TENM1: variants seen among roughly 807,000 people sequenced by gnomAD.
The protein encoded by TENM1 is teneurin transmembrane protein 1.
Under a neutral mutation model 174.8 loss-of-function variants are expected in TENM1, and 35 were observed. The observed-to-expected ratio is 0.20, with a 90% CI of 0.15 to 0.27. TENM1 has a LOEUF of 0.27. TENM1 is among the 10% of genes least tolerant of loss of function. The pLI is 1.00. For synonymous variants in TENM1, 781 were observed against 798.7 expected, an observed-to-expected ratio of 0.98 and a Z score of 0.37; for missense variants, 1,633 against 2,130.1, an observed-to-expected ratio of 0.77 and a Z score of 4.59.
At chrX:124,520,889 G>A in intron 17 of TENM1, 105 bp from the exon 21 acceptor site, 1 of 769,697 alleles carries the variant, frequency 1.3e-6, no homozygotes, top group Admixed American at 3.9e-5. Context: ...CCAAAGGAGA[G>A]AGCTTAAACA....
intron 23 of TENM1, among the ~76,000 whole-genome samples, chrX:124,425,590 C>G (rs2060703153): frequency 8.9e-6 from 1 of 112,230 alleles, no homozygotes; most frequent in Non-Finnish European, 1.9e-5. Context: ...GCTGCCAGTG[C>G]CATGCTCTTG....
the TENM1 span, among the ~76,000 whole-genome samples, chrX:125,039,825 C>CTTTTTTTTTTTTTTTT: frequency 1.8e-5 from 2 of 111,387 alleles, no homozygotes; most frequent in African/African-American, 6.5e-5. Flanking sequence ...TGAGCCTTTT[C>CTTTTTTTTTTTTTTTT]TTATTAACCT....
intron 11 of TENM1, among the ~76,000 whole-genome samples, chrX:124,569,704 GA>G (rs2049016556): frequency 9.0e-6 from 1 of 111,341 alleles, no homozygotes; most frequent in Admixed American, 9.6e-5. Flanking sequence ...AAAAGAGATG[GA>G]AATGAATGAA....
At chrX:124,780,799 G>T (rs1183021313) in intron 3 of TENM1, among the ~76,000 whole-genome samples, 1 of 111,641 alleles carries the variant, frequency 9.0e-6, no homozygotes, top group African/African-American at 3.3e-5. Context: ...ACACGACTTG[G>T]TCCCTAAATT....
intron 20 of TENM1, among the ~76,000 whole-genome samples, chrX:124,489,371 G>C (rs1279204433): frequency 1.8e-5 from 2 of 112,290 alleles, no homozygotes; most frequent in African/African-American, 6.5e-5. Flanking sequence ...GAAAATTATT[G>C]ATATGATTTA....
At chrX:124,602,435 G>GGAAGCTCA (rs2050051086) in intron 11 of TENM1, among the ~76,000 whole-genome samples, 1 of 111,110 alleles carries the variant, frequency 9.0e-6, no homozygotes, top group African/African-American at 3.3e-5. Context: ...CCTCACCAGA[G>GGAAGCTCA]TTTTGGAACA....
chrX:124,491,432 A>G (rs924082855), intron 20 of TENM1, among the ~76,000 whole-genome samples: 2 of 111,743 alleles, frequency 1.8e-5, no homozygotes, highest in Non-Finnish European at 1.9e-5. Flanking sequence ...TATCTCACAT[A>G]GAAGTGAATC....
At chrX:124,676,582 TAC>T (rs2052092233) in intron 5 of TENM1, among the ~76,000 whole-genome samples, 1 of 107,374 alleles carries the variant, frequency 9.3e-6, no homozygotes, top group Non-Finnish European at 1.9e-5. Context: ...ATAAATTCAT[TAC>T]AAAGTTCAGG....
chrX:124,606,985 G>T (rs2050174353), intron 11 of TENM1, among the ~76,000 whole-genome samples: 1 of 110,255 alleles, frequency 9.1e-6, no homozygotes, highest in South Asian at 3.9e-4. Context: ...AGGCAGAAGA[G>T]AAGGAGGACG....
exon 7 of TENM1, chrX:124,653,630 A>C (rs752475941): frequency 2.5e-6 from 3 of 1,209,128 alleles, no homozygotes. Context: ...AATTCCCAGC[A>C]GAGAGTCCTT....
chrX:124,549,002 C>A (rs2048496430), intron 14 of TENM1, among the ~76,000 whole-genome samples: 1 of 111,966 alleles, frequency 8.9e-6, no homozygotes, highest in Non-Finnish European at 1.9e-5. Flanking sequence ...ATTTCTATTT[C>A]TCTGTATACA....
chrX:125,064,508 A>G, the TENM1 span, among the ~76,000 whole-genome samples: 4 of 111,558 alleles, frequency 3.6e-5, no homozygotes, highest in Non-Finnish European at 7.5e-5. Flanking sequence ...GCAGTTTACA[A>G]GTGAACAACT....
chrX:124,658,286 T>G (rs2051500110), intron 6 of TENM1, among the ~76,000 whole-genome samples: 1 of 111,845 alleles, frequency 8.9e-6, no homozygotes, highest in Admixed American at 9.5e-5. Flanking sequence ...TTACACATGC[T>G]TTTGTATCCA....
chrX:125,154,690 G>A, the TENM1 span, among the ~76,000 whole-genome samples: 9 of 110,823 alleles, frequency 8.1e-5, no homozygotes, highest in African/African-American at 3.0e-4. Context: ...TAAAGGCGGC[G>A]TGTCCAGAGT....
At chrX:125,072,427 A>G in the TENM1 span, among the ~76,000 whole-genome samples, 3 of 111,900 alleles carry the variant, frequency 2.7e-5, no homozygotes, top group Non-Finnish European at 5.7e-5. Flanking sequence ...TCGGTAATTT[A>G]TAAGAGTGCC....
the TENM1 span, among the ~76,000 whole-genome samples, chrX:125,195,357 T>C: frequency 8.9e-6 from 1 of 112,202 alleles, no homozygotes; most frequent in South Asian, 3.7e-4. Context: ...GTTTTACACA[T>C]TTTCTTAAGG....
intron 5 of TENM1, among the ~76,000 whole-genome samples, chrX:124,704,652 G>A (rs1257981444): frequency 9.0e-6 from 1 of 111,428 alleles, no homozygotes; most frequent in Non-Finnish European, 1.9e-5. Flanking sequence ...TGAAAATTCC[G>A]TAGCAGTATT....
At chrX:124,856,142 C>T (rs932789435) in intron 3 of TENM1, among the ~76,000 whole-genome samples, 1 of 110,447 alleles carries the variant, frequency 9.1e-6, no homozygotes, top group Non-Finnish European at 1.9e-5. Context: ...TTCCTTCCTT[C>T]TAGAATATAA....
the TENM1 span, among the ~76,000 whole-genome samples, chrX:125,073,217 A>C: frequency 9.0e-6 from 1 of 111,394 alleles, no homozygotes; most frequent in Non-Finnish European, 1.9e-5. Context: ...AATATGAAGA[A>C]AATGCAAAAC....
Sources: gnomAD v4.1 joint callset for allele counts (sites outside exome capture counted in the v4.1 genomes callset) on GRCh38, gnomAD v4.1.1 for gene constraint, MANE v1.5 for transcripts, NCBI Gene and HGNC (gene_info 2026-07-23, HGNC 2026-07-21) for gene names.